HECW1: variants seen among roughly 807,000 people sequenced by gnomAD.
The protein encoded by HECW1 is E3 ubiquitin-protein ligase HECW1.
In HECW1, 61 loss-of-function variants were observed where a neutral mutation model predicts 182.3. That is an observed-to-expected ratio of 0.33 (90% confidence interval 0.27 to 0.41). The LOEUF (loss-of-function observed/expected upper bound fraction) is 0.41, where lower values mean the gene tolerates loss of function less well. HECW1 is among the 10% of genes least tolerant of loss of function. The pLI, the probability that HECW1 is intolerant of heterozygous loss-of-function variation, is 1.00. For missense variants in HECW1, 1,739 were observed against 2,108.9 expected (o/e 0.82, Z 3.44); for synonymous variants, 859 against 832.6 (o/e 1.03, Z -0.55).
chr7:43,445,658 G>C lies in HECW1; in HGVS notation c.2398+88G>C. On this transcript the variant is annotated intron_variant, in intron 11 of 29. Coordinates refer to ENST00000395891, the MANE Select transcript of HECW1 (RefSeq NM_015052.5). Reference sequence around the variant, plus strand: ...CAGTTTAAAAACAAGAAGGGCGGGGGATCGGTGTCAAACGGGGTTGCTGGG... The same window carrying C: ...CAGTTTAAAAACAAGAAGGGCGGGGCATCGGTGTCAAACGGGGTTGCTGGG... 2.1e-6 allele frequency: 3 copies of C among 1,436,074 alleles called. No individual in the cohort carries two copies. In the South Asian group the frequency reaches 4.4e-5, roughly 21 times the overall value. The allele number at this position is 1,436,074 out of a possible 1,614,324, so 89.0% of individuals were successfully genotyped here.
At chr7:43,532,384 A>G (rs915969710) in intron 24 of HECW1, among the ~76,000 whole-genome samples, 1 of 151,950 alleles carries the variant, frequency 6.6e-6, no homozygotes, top group Non-Finnish European at 1.5e-5. Context: ...CATCATCCAG[A>G]GTGATCATTT....
intron 6 of HECW1, among the ~76,000 whole-genome samples, chr7:43,377,070 G>T (rs2074361664): frequency 6.6e-6 from 1 of 152,130 alleles, no homozygotes. Context: ...GCAGGTGAAT[G>T]AATGTAGCAC....
At chr7:43,386,528 C>G (rs1278671867) in intron 6 of HECW1, among the ~76,000 whole-genome samples, 3 of 152,232 alleles carry the variant, frequency 2.0e-5, no homozygotes, top group Non-Finnish European at 4.4e-5. Context: ...GCTCAAACAA[C>G]TTACCCTACA....
intron 16 of HECW1, among the ~76,000 whole-genome samples, chr7:43,473,376 C>T (rs1051857240): frequency 1.3e-5 from 2 of 152,128 alleles, no homozygotes; most frequent in African/African-American, 2.4e-5. Context: ...TGATGAAACA[C>T]CAAAAGCCAT....
chr7:43,305,363 G>A (rs7807450), intron 3 of HECW1, among the ~76,000 whole-genome samples: 34,290 of 151,206 alleles, frequency 0.23, 4,304 homozygotes, highest in East Asian at 0.51. Context: ...CTTGGCTGCC[G>A]AGAAGCTCAG....
intron 17 of HECW1, among the ~76,000 whole-genome samples, chr7:43,487,965 A>G (rs1279728831): frequency 1.7e-5 from 1 of 59,140 alleles, no homozygotes; most frequent in African/African-American, 3.7e-5. Flanking sequence ...AAAAAAAGGA[A>G]GAGAGAGAGA....
At chr7:43,505,196 C>G (rs77760265) in intron 21 of HECW1, among the ~76,000 whole-genome samples, 2,642 of 152,266 alleles carry the variant, frequency 0.017, 88 homozygotes, top group African/African-American at 0.059. Flanking sequence ...GCTCTTCCCC[C>G]ACAAATGTGT....
intron 3 of HECW1, among the ~76,000 whole-genome samples, chr7:43,279,048 A>G (rs540195121): frequency 8.5e-5 from 13 of 152,166 alleles, no homozygotes; most frequent in Non-Finnish European, 1.6e-4. Context: ...AGCAGTTTTC[A>G]GTGATTGAGA....
At chr7:43,258,053 G>C (rs1354390720) in intron 3 of HECW1, among the ~76,000 whole-genome samples, 1 of 152,124 alleles carries the variant, frequency 6.6e-6, no homozygotes, top group East Asian at 1.9e-4. Context: ...GAATTACACA[G>C]TAAAGGCCAG....
chr7:43,382,591 C>G (rs2074601680), intron 6 of HECW1, among the ~76,000 whole-genome samples: 1 of 152,154 alleles, frequency 6.6e-6, no homozygotes, highest in African/African-American at 2.4e-5. Context: ...GGAGCTTAAT[C>G]CCTCATTCAA....
chr7:43,273,197 G>T (rs887688331), intron 3 of HECW1, among the ~76,000 whole-genome samples: 8 of 152,224 alleles, frequency 5.3e-5, no homozygotes, highest in South Asian at 2.1e-4. Flanking sequence ...TGGGGCAAGG[G>T]TTGAAAAACT....
intron 6 of HECW1, among the ~76,000 whole-genome samples, chr7:43,364,290 T>C (rs1816338113): frequency 6.6e-6 from 1 of 152,218 alleles, no homozygotes; most frequent in African/African-American, 2.4e-5. Flanking sequence ...TCTTTGTCTT[T>C]GTCCCATGGG....
chr7:43,325,192 A>G (rs1380935905), intron 5 of HECW1, among the ~76,000 whole-genome samples: 2 of 152,248 alleles, frequency 1.3e-5, no homozygotes, highest in Admixed American at 1.3e-4. Flanking sequence ...GTCAATGGCT[A>G]TAACATGAGA....
chr7:43,146,549 G>A lies in HECW1; in HGVS notation c.-32+32158G>A, dbSNP rs1788734720. Among the ~76,000 whole-genome samples the A allele has an allele frequency of 2.0e-5, 3 of 152,344 alleles. No homozygotes were observed. The South Asian group carries it at 6.2e-4, about 32-fold the overall frequency. On this transcript the variant is annotated intron_variant, in intron 2 of 29. Coordinates refer to ENST00000395891, the MANE Select transcript of HECW1 (RefSeq NM_015052.5). ...GGAGAAAGGGAATGGAACATTTACA[G>A]TTGGACCTGGAAATTCGAGTCTTAA...
chr7:43,234,794 C>T (rs1286317109), intron 2 of HECW1, among the ~76,000 whole-genome samples: 4 of 152,212 alleles, frequency 2.6e-5, no homozygotes, highest in African/African-American at 9.7e-5. Flanking sequence ...TGCTCACTCA[C>T]GTATTGCCTG....
intron 3 of HECW1, among the ~76,000 whole-genome samples, chr7:43,260,995 A>T (rs1006366991): frequency 3.3e-5 from 5 of 152,212 alleles, no homozygotes; most frequent in Non-Finnish European, 4.4e-5. Context: ...AGTTTTACAG[A>T]TGAGGAAATT....
chr7:43,171,564 C>T (rs978433629), intron 2 of HECW1, among the ~76,000 whole-genome samples: 4 of 152,180 alleles, frequency 2.6e-5, no homozygotes, highest in African/African-American at 9.7e-5. Flanking sequence ...GGGAAACAGC[C>T]TCTTAAAAAC....
intron 16 of HECW1, among the ~76,000 whole-genome samples, chr7:43,477,692 G>A (rs1356298644): frequency 1.3e-5 from 2 of 152,116 alleles, no homozygotes; most frequent in Non-Finnish European, 2.9e-5. Flanking sequence ...TATTAGTAGT[G>A]TTGTTATTTA....
intron 13 of HECW1, among the ~76,000 whole-genome samples, chr7:43,462,499 A>C (rs1342478802): frequency 6.6e-6 from 1 of 151,924 alleles, no homozygotes; most frequent in Non-Finnish European, 1.5e-5. Flanking sequence ...TCTGGAAAAA[A>C]AAAAGAGAAA....
Sources: gnomAD v4.1 joint callset for allele counts (sites outside exome capture counted in the v4.1 genomes callset) on GRCh38, gnomAD v4.1.1 for gene constraint, MANE v1.5 for transcripts, NCBI Gene and HGNC (gene_info 2026-07-23, HGNC 2026-07-21) for gene names.